Variants in NBPF10 observed in about 807,000 individuals in gnomAD.
NBPF10 encodes the protein NBPF member 10.
A neutral mutation model predicts 77.9 loss-of-function variants in NBPF10; 63 were observed. The observed-to-expected ratio is 0.81, with a 90% CI of 0.66 to 1.00. The LOEUF is 1.00. Among genes scored for constraint, NBPF10 ranks in the 50% least tolerant of loss-of-function variants. The pLI is 0.00. For missense variants in NBPF10, 522 were observed against 679.8 expected (o/e 0.77, Z 2.58); for synonymous variants, 146 against 264.5 (o/e 0.55, Z 4.35).
intron 2 of NBPF10, among the ~76,000 whole-genome samples, chr1:146,142,373 G>A (rs369830550): frequency 2.8e-4 from 37 of 132,388 alleles, no homozygotes; most frequent in African/African-American, 3.5e-4. Flanking sequence ...GAATGCTGCT[G>A]GGTGGTTCCC....
At chr1:146,126,010 T>C (rs139233198) in intron 14 of NBPF10, among the ~76,000 whole-genome samples, 8 of 151,158 alleles carry the variant, frequency 5.3e-5, no homozygotes, top group Admixed American at 2.6e-4. Context: ...AGTAGGATTA[T>C]GGTGCCACAG....
rs181280696 is a variant in NBPF10 at position 146,125,682 on chromosome 1, C to A, written c.2027-166G>T. ...CTGAAGGCTGATCACCACAGAGATT[C>A]CTTGGTTTTTGTCCCAGAAACTGTG... On this transcript the variant is annotated intron_variant, in intron 14 of 89. Transcript: ENST00000583866. Among the ~76,000 whole-genome samples, 262 of 129,746 alleles carry A rather than the reference C, an allele frequency of 2.0e-3. 2 individuals are homozygous for A. The highest frequency in any genetic ancestry group is 3.7e-3 in the Non-Finnish European group (218 of 59,350). The allele number at this position is 129,746 out of a possible 152,430, so 85.1% of individuals were successfully genotyped here.
At position 146,140,023 on chromosome 1, in the gene NBPF10, G is replaced by C. The variant is rs1553796778; in HGVS notation, c.567-3C>G. 6.1e-6 allele frequency: 4 copies of C among 659,766 alleles called. No homozygotes were observed. In the South Asian group the frequency reaches 6.9e-5, roughly 11 times the overall value. The allele number at this position is 659,766 out of a possible 1,614,324, so 40.9% of individuals were successfully genotyped here. A position where few individuals can be genotyped will look rare whatever the true frequency, so the allele number is the denominator to read the frequency against. On this transcript the variant is annotated splice_polypyrimidine_tract_variant and splice_region_variant and intron_variant, in intron 4 of 89. Coordinates refer to ENST00000583866, the Ensembl canonical transcript of NBPF10. ...TCTCTTCAGCCTTCTGCACCTCCCTGATGAGCCAGGTGGGACAGAGATGAC... is the reference window on the plus strand; with the variant it reads ...TCTCTTCAGCCTTCTGCACCTCCCTCATGAGCCAGGTGGGACAGAGATGAC...
chr1:146,139,345 A>G (rs7417662), intron 5 of NBPF10, among the ~76,000 whole-genome samples: 1 of 151,384 alleles, frequency 6.6e-6, no homozygotes, highest in Non-Finnish European at 1.5e-5. Flanking sequence ...TCCTGACCTC[A>G]TGATCCACCC....
chr1:146,076,302 C>CACACAGAG (rs1290400750), intron 77 of NBPF10, among the ~76,000 whole-genome samples: 1 of 4,842 alleles, frequency 2.1e-4, no homozygotes, highest in African/African-American at 4.2e-4. Context: ...CACACACACA[C>CACACAGAG]AGAGAGAGAG....
chr1:146,139,140 C>G (rs1660018260), intron 5 of NBPF10, among the ~76,000 whole-genome samples: 1 of 135,714 alleles, frequency 7.4e-6, no homozygotes, highest in Admixed American at 7.7e-5. Context: ...CGCTCTGTCT[C>G]CCAGGCTGGA....
At position 146,141,895 on chromosome 1, in the gene NBPF10, T is replaced by A. The variant is rs1339202923; in HGVS notation, c.279-77A>T. ...GTTCAAATATTGCAACAGAGACTTC[T>A]GAGACAATGTCGTCAAGGAGACCTC... On this transcript the variant is annotated intron_variant, in intron 2 of 89. Coordinates refer to ENST00000583866, the Ensembl canonical transcript of NBPF10. 4.7e-5 allele frequency: 54 copies of A among 1,159,352 alleles called. 8 individuals carry two copies. Among genetic ancestry groups the A allele is most frequent in the Non-Finnish European group, 6.4e-5 (50 of 784,860 alleles). The allele number at this position is 1,159,352 out of a possible 1,614,324, so 71.8% of individuals were successfully genotyped here.
chr1:146,067,874 A>C (rs1571105621), intron 88 of NBPF10, 129 bp downstream of exon 88: 1 of 696,028 alleles, frequency 1.4e-6, no homozygotes, highest in Non-Finnish European at 2.6e-6. Flanking sequence ...ATTACAACCT[A>C]TATGCGCCCA....
At chr1:146,142,886 A>G in intron 1 of NBPF10, 134 bp from the exon 2 acceptor site, 1 of 494,162 alleles carries the variant, frequency 2.0e-6, no homozygotes, top group South Asian at 2.4e-5. Context: ...AGGGATTTCC[A>G]CATCTTTACT....
At chr1:146,126,893 A>T in intron 13 of NBPF10, 135 bp downstream of exon 13, 1 of 516,838 alleles carries the variant, frequency 1.9e-6, no homozygotes, top group Non-Finnish European at 3.4e-6. Flanking sequence ...TGAGAACCAA[A>T]AAGCAATGTA....
rs587667585 is a variant in NBPF10 at position 146,126,748 on chromosome 1, A to C, written c.1853+280T>G. Among the ~76,000 whole-genome samples the C allele has an allele frequency of 4.8e-5, 7 of 144,386 alleles. 1 individual carries two copies. The East Asian group carries it at 1.0e-3, about 21-fold the overall frequency. 94.7% of individuals were successfully genotyped at this position (144,386 alleles called of 152,430 possible). ...CAGTGATCATGAAAAGCATGTCCTC[A>C]ATAATTTTGCATAAAATGTGCTCAA... On this transcript the variant is annotated intron_variant, in intron 13 of 89. Transcript: ENST00000583866.
At chr1:146,142,000 CT>C (rs1372014003) in intron 2 of NBPF10, among the ~76,000 whole-genome samples, 182 bp from the exon 3 acceptor site, 15 of 99,502 alleles carry the variant, frequency 1.5e-4, no homozygotes, top group African/African-American at 4.6e-4. Context: ...GGCTTTCCCT[CT>C]ATCAGAGAGG....
chr1:146,137,136 C>T (rs371861240), intron 6 of NBPF10, among the ~76,000 whole-genome samples: 106 of 120,326 alleles, frequency 8.8e-4, no homozygotes, highest in East Asian at 3.7e-3. Flanking sequence ...TAATTCACTG[C>T]AGCAATTTAC....
rs782109047 is a variant in NBPF10, at chr1:146,069,716, C to G, written c.10638-1G>C. 5.0e-6 allele frequency: 4 copies of G among 794,836 alleles called. No homozygotes were observed. The highest frequency in any genetic ancestry group is 1.9e-5 in the Admixed American group (1 of 51,310). 49.2% of individuals were successfully genotyped at this position (794,836 alleles called of 1,614,324 possible). A position where few individuals can be genotyped will look rare whatever the true frequency, so the allele number is the denominator to read the frequency against. On this transcript the variant is annotated splice_acceptor_variant, in intron 85 of 89. Coordinates refer to ENST00000583866, the Ensembl canonical transcript of NBPF10. LOFTEE classifies it high-confidence loss of function. ...CTCATCCAGCAGCTCCCTGCTGAGC[C>G]TGGAAAAGTGGGAAAAAGTAAAGAA...
intron 13 of NBPF10, among the ~76,000 whole-genome samples, 175 bp from the exon 14 acceptor site, chr1:146,126,583 G>T (rs1239574414): frequency 7.8e-6 from 1 of 128,658 alleles, no homozygotes; most frequent in East Asian, 2.3e-4. Flanking sequence ...GGTAGAAAAG[G>T]ATGAACGAGA....
At chr1:146,142,520 T>C in intron 2 of NBPF10, 130 bp downstream of exon 2, 2 of 602,908 alleles carry the variant, frequency 3.3e-6, no homozygotes, top group Non-Finnish European at 6.0e-6. Context: ...TATTTGTGTG[T>C]CATGAGCCTG....
At chr1:146,123,478 A>G (rs1658317336) in intron 17 of NBPF10, among the ~76,000 whole-genome samples, 200 bp from the exon 18 acceptor site, 3 of 43,516 alleles carry the variant, frequency 6.9e-5, no homozygotes, top group African/African-American at 2.7e-4. Flanking sequence ...ACAGATAGAC[A>G]CACACACACA....
At chr1:146,067,869 A>C in intron 88 of NBPF10, 134 bp downstream of exon 88, 2 of 697,574 alleles carry the variant, frequency 2.9e-6, no homozygotes, top group East Asian at 5.5e-5. Flanking sequence ...GTTTCATTAC[A>C]ACCTATATGC....
At chr1:146,066,680 A>G (rs1655093962) in intron 89 of NBPF10, 119 bp from the exon 90 acceptor site, 1 of 556,554 alleles carries the variant, frequency 1.8e-6, no homozygotes, top group African/African-American at 2.0e-5. Flanking sequence ...TAGAACCATT[A>G]ATGAGGTAAA....
Sources: gnomAD v4.1 joint callset for allele counts (sites outside exome capture counted in the v4.1 genomes callset) on GRCh38, gnomAD v4.1.1 for gene constraint, MANE v1.5 for transcripts, NCBI Gene and HGNC (gene_info 2026-07-23, HGNC 2026-07-21) for gene names.